EVL: variants seen among roughly 807,000 people sequenced by gnomAD.
EVL encodes the protein ena/VASP-like protein.
A neutral mutation model predicts 59.6 loss-of-function variants in EVL; 21 were observed. The observed-to-expected ratio is 0.35, with a 90% CI of 0.25 to 0.51. EVL has a LOEUF of 0.51. EVL is among the 20% of genes least tolerant of loss of function. The pLI, the probability that EVL is intolerant of heterozygous loss-of-function variation, is 0.97. For synonymous variants in EVL, 198 were observed against 203.5 expected (o/e 0.97, Z 0.23); for missense variants, 462 against 546.6 (o/e 0.85, Z 1.54).
rs1189517484 is a variant in EVL, at chr14:100,127,507, G to A, written c.487+736G>A. On this transcript the variant is annotated intron_variant, in intron 5 of 13. Transcript: ENST00000392920. This position sits in a 1 kb window ranked among gnomAD's most constrained non-coding sequence, Gnocchi z 4.2. Reference sequence around the variant, plus strand: ...CCCACCTAGCTGCTGCTGGCCTCCTGCTCCCCGGCCAGTCTGCATTTCTGA... The same window carrying A: ...CCCACCTAGCTGCTGCTGGCCTCCTACTCCCCGGCCAGTCTGCATTTCTGA... Among the ~76,000 whole-genome samples, 1 of 152,142 alleles carries A rather than the reference G, an allele frequency of 6.6e-6. No individual in the cohort carries two copies. The highest frequency in any genetic ancestry group is 1.9e-4 in the East Asian group (1 of 5,190).
At chr14:100,047,688 A>G (rs1046734049) in intron 1 of EVL, among the ~76,000 whole-genome samples, 10 of 152,158 alleles carry the variant, frequency 6.6e-5, no homozygotes, top group Admixed American at 2.0e-4. Flanking sequence ...ACATTCTGCA[A>G]CCTATATCAC....
intron 1 of EVL, among the ~76,000 whole-genome samples, chr14:100,007,663 C>G (rs1274159428): frequency 1.3e-5 from 2 of 152,206 alleles, no homozygotes; most frequent in African/African-American, 2.4e-5. Context: ...AGTGTGTCGG[C>G]TTGCCTTACC....
intron 1 of EVL, among the ~76,000 whole-genome samples, chr14:99,993,987 C>T (rs1267406715): frequency 6.6e-6 from 1 of 151,840 alleles, no homozygotes; most frequent in East Asian, 1.9e-4. Context: ...AGCCACTGTG[C>T]CCAGCCCAGA....
chr14:100,083,193 G>C (rs1297554518), intron 1 of EVL, among the ~76,000 whole-genome samples: 1 of 152,134 alleles, frequency 6.6e-6, no homozygotes, highest in African/African-American at 2.4e-5. Context: ...ATCTCTCCTA[G>C]CTCCTGAGAC....
intron 1 of EVL, among the ~76,000 whole-genome samples, chr14:100,055,555 T>C (rs2061715261): frequency 1.3e-5 from 2 of 152,202 alleles, no homozygotes; most frequent in Admixed American, 6.5e-5. Context: ...TATATGATAG[T>C]TTAGATTGGT....
intron 1 of EVL, among the ~76,000 whole-genome samples, chr14:100,001,480 C>A (rs1202161299): frequency 6.6e-6 from 1 of 152,138 alleles, no homozygotes; most frequent in African/African-American, 2.4e-5. Context: ...CATGGTAGGA[C>A]TGATTTGCTT....
chr14:100,111,721 G>C (rs1887007275), intron 3 of EVL, among the ~76,000 whole-genome samples: 1 of 152,138 alleles, frequency 6.6e-6, no homozygotes, highest in Non-Finnish European at 1.5e-5. Context: ...CTTGTGCCTG[G>C]ATCTTGGCTC....
intron 1 of EVL, among the ~76,000 whole-genome samples, chr14:100,032,935 C>CTTT (rs879541920): frequency 6.8e-6 from 1 of 146,810 alleles, no homozygotes; most frequent in East Asian, 2.0e-4. Flanking sequence ...TTTTTATTAC[C>CTTT]TTTTTTTTTT....
intron 1 of EVL, among the ~76,000 whole-genome samples, chr14:100,053,365 C>G (rs1397645237): frequency 1.3e-5 from 2 of 152,042 alleles, no homozygotes; most frequent in Non-Finnish European, 2.9e-5. Flanking sequence ...TTTTTATTCT[C>G]CTCATGGCTA....
chr14:100,097,686 G>T, intron 3 of EVL, 28 bp downstream of exon 3: 15 of 1,576,390 alleles, frequency 9.5e-6, no homozygotes, highest in Non-Finnish European at 1.3e-5. Flanking sequence ...TTGGCCTGAT[G>T]CTGAGACCCT....
intron 3 of EVL, among the ~76,000 whole-genome samples, chr14:100,103,684 C>T (rs1437258961): frequency 1.3e-5 from 2 of 152,130 alleles, no homozygotes; most frequent in Non-Finnish European, 2.9e-5. Context: ...TGCCATTCAC[C>T]ACTTTGTAAC....
intron 1 of EVL, among the ~76,000 whole-genome samples, chr14:100,002,916 A>G (rs1668765386): frequency 6.6e-6 from 1 of 152,226 alleles, no homozygotes; most frequent in Non-Finnish European, 1.5e-5. Flanking sequence ...CCAAAATTTT[A>G]TAATCTATAA....
chr14:99,984,278 A>T (rs1250433459), intron 1 of EVL, among the ~76,000 whole-genome samples: 1 of 152,044 alleles, frequency 6.6e-6, no homozygotes, highest in Admixed American at 6.5e-5. Flanking sequence ...TGATGTGTGG[A>T]TGGGTATTTT....
chr14:100,123,929 G>T (rs535885222), intron 4 of EVL, among the ~76,000 whole-genome samples: 3 of 152,206 alleles, frequency 2.0e-5, no homozygotes, highest in African/African-American at 7.2e-5. Context: ...CTTCCCCAAC[G>T]TAGCAGGAGG....
rs2140367910 is a variant in EVL at position 100,123,557 on chromosome 14, A to G, written c.377A>G (p.Gln126Arg). 1 of 1,614,154 alleles carries G rather than the reference A, an allele frequency of 6.2e-7. No individual in the cohort carries two copies. Among genetic ancestry groups the G allele is most frequent in the East Asian group, 2.2e-5 (1 of 44,876 alleles). Residue 126 changes from glutamine (Q) to arginine (R), a missense_variant, in exon 4 of 14, where the codon CAG becomes CGG. Gln to Arg is a conservative substitution (Grantham distance 43). Transcript: ENST00000392920. ...CCCACAGGCCCCTCCAGCCAGCGTCAGGTGCAGAATGGCCCCTCTCCTGAT... is the reference window on the plus strand; with the variant it reads ...CCCACAGGCCCCTCCAGCCAGCGTCGGGTGCAGAATGGCCCCTCTCCTGAT... ...SQEGGPSSQR[Q>R]VQNGPSPDEM...
intron 1 of EVL, among the ~76,000 whole-genome samples, chr14:100,025,673 A>T (rs2061198158): frequency 6.6e-6 from 1 of 152,164 alleles, no homozygotes; most frequent in African/African-American, 2.4e-5. Context: ...CACGCCTGTA[A>T]CCCCAGCACT....
At chr14:100,136,049 G>T in intron 9 of EVL, 81 bp downstream of exon 9, 12 of 1,498,050 alleles carry the variant, frequency 8.0e-6, no homozygotes, top group Non-Finnish European at 1.0e-5. Context: ...AGGACCCTCT[G>T]ATCCAGCCTC....
intron 2 of EVL, among the ~76,000 whole-genome samples, chr14:100,089,993 G>C (rs1289639528): frequency 6.6e-6 from 1 of 151,894 alleles, no homozygotes; most frequent in African/African-American, 2.4e-5. Flanking sequence ...GCATATATTA[G>C]AAAAAGAAGA....
chr14:100,131,589 C>T (rs1888440142), intron 7 of EVL, among the ~76,000 whole-genome samples: 1 of 152,196 alleles, frequency 6.6e-6, no homozygotes, highest in Non-Finnish European at 1.5e-5. Context: ...GCCTACACTC[C>T]CCGTGAGCAG....
Sources: allele counts gnomAD v4.1 joint callset (sites outside exome capture counted in the v4.1 genomes callset), GRCh38; gene constraint gnomAD v4.1.1; non-coding constraint Gnocchi (gnomAD v3.1); transcripts MANE v1.5; gene names NCBI Gene and HGNC (gene_info 2026-07-23, HGNC 2026-07-21).